USP32: variants seen among roughly 807,000 people sequenced by gnomAD.
USP32 encodes the protein ubiquitin specific peptidase 32, also known as ubiquitin carboxyl-terminal hydrolase 32.
A neutral mutation model predicts 204.8 loss-of-function variants in USP32; 59 were observed. The observed-to-expected ratio is 0.29, with a 90% confidence interval of 0.23 to 0.36. The LOEUF is 0.36. Ranked by LOEUF, USP32 falls within the 10% of genes least tolerant of loss-of-function variation. USP32 has a pLI of 1.00. For missense variants in USP32, 1,160 were observed against 1,946.4 expected (o/e 0.60, Z 7.60); for synonymous variants, 517 against 678.4 (o/e 0.76, Z 3.70).
At chr17:60,365,612 AG>A (rs1294754932) in intron 1 of USP32, among the ~76,000 whole-genome samples, 2 of 152,166 alleles carry the variant, frequency 1.3e-5, no homozygotes, top group Non-Finnish European at 2.9e-5. Context: ...TATTTCCCCA[AG>A]GAACTCTTGT....
Position 60,203,053 on chromosome 17 carries a change from G to A in USP32, c.3249+2394C>T, listed in dbSNP as rs913168650. Among the ~76,000 whole-genome samples, 304 of 149,378 alleles carry A rather than the reference G, an allele frequency of 2.0e-3. 2 individuals carry two copies. The highest frequency in any genetic ancestry group is 3.0e-3 in the Non-Finnish European group (201 of 67,752). On this transcript the variant is annotated intron_variant, in intron 26 of 33. Transcript: ENST00000300896. The stretch of plus-strand genomic sequence containing the variant: ...AGCATTCTCTCCTAGAACCTTTGGA[G>A]GAAGCCCCCACCCTACAGAAACCTT...
chr17:60,359,278 G>A (rs1458902379), intron 1 of USP32, among the ~76,000 whole-genome samples: 2 of 152,044 alleles, frequency 1.3e-5, no homozygotes, highest in Non-Finnish European at 2.9e-5. Context: ...AGCTTATATT[G>A]TATGTTTATT....
At chr17:60,308,182 G>A (rs1434470179) in intron 2 of USP32, among the ~76,000 whole-genome samples, 3 of 152,140 alleles carry the variant, frequency 2.0e-5, no homozygotes, top group Non-Finnish European at 2.9e-5. Context: ...GCAAGAATCC[G>A]GGATACAGAA....
Position 60,300,857 on chromosome 17 carries a change from C to T in USP32, c.292+742G>A, listed in dbSNP as rs533518873. 1.4e-4 allele frequency among the ~76,000 whole-genome samples: 21 copies of T among 152,310 alleles called. 1 individual carries two copies. The South Asian group carries it at 4.3e-3, about 32-fold the overall frequency. Reference sequence around the variant, plus strand: ...GCAGTTGTTCTCCATTTCCCTCTCACCTGATACCTCCAGCAACCACTAATC... The same window carrying T: ...GCAGTTGTTCTCCATTTCCCTCTCATCTGATACCTCCAGCAACCACTAATC... On this transcript the variant is annotated intron_variant, in intron 3 of 33. Coordinates refer to ENST00000300896, the MANE Select transcript of USP32 (RefSeq NM_032582.4).
chr17:60,422,135 A>T (rs549919193), intron 1 of USP32: 1 of 306,426 alleles, frequency 3.3e-6, no homozygotes, highest in Non-Finnish European at 5.7e-6. Flanking sequence ...TCTGTCCCAA[A>T]TCAGAAAAGA....
chr17:60,403,853 A>G (rs2089954964), intron 1 of USP32, among the ~76,000 whole-genome samples: 1 of 152,096 alleles, frequency 6.6e-6, no homozygotes, highest in Admixed American at 6.6e-5. Context: ...CAGTCTGGGT[A>G]ACATAGTGAG....
At chr17:60,269,830 A>T (rs768635949) in intron 6 of USP32, among the ~76,000 whole-genome samples, 10 of 152,172 alleles carry the variant, frequency 6.6e-5, no homozygotes, top group Non-Finnish European at 1.2e-4. Context: ...GGCTAAAATG[A>T]CTATTTTTGA....
At chr17:60,408,258 A>G (rs1195067696) in intron 1 of USP32, among the ~76,000 whole-genome samples, 1 of 152,206 alleles carries the variant, frequency 6.6e-6, no homozygotes, top group Non-Finnish European at 1.5e-5. Context: ...TGAAACAGCT[A>G]TTATAACTAT....
chr17:60,218,947 C>T (rs567681584), intron 16 of USP32, among the ~76,000 whole-genome samples: 26 of 152,264 alleles, frequency 1.7e-4, no homozygotes, highest in Non-Finnish European at 2.5e-4. Flanking sequence ...AGCAAAAGCA[C>T]AGAGCAAGTC....
At chr17:60,321,959 A>C (rs1007233386) in intron 2 of USP32, among the ~76,000 whole-genome samples, 1 of 152,134 alleles carries the variant, frequency 6.6e-6, no homozygotes, top group Admixed American at 6.6e-5. Context: ...CTTTGCAATA[A>C]AGTGCCCATA....
At chr17:60,345,719 C>T (rs8066935) in intron 1 of USP32, 111 bp from the exon 2 acceptor site, 90,873 of 1,370,302 alleles carry the variant, frequency 0.066, 9,308 homozygotes, top group African/African-American at 0.46. Context: ...CAGTGGCTCA[C>T]GCCTATAATC....
At chr17:60,194,333 C>G (rs1227859621) in intron 27 of USP32, among the ~76,000 whole-genome samples, 1 of 152,120 alleles carries the variant, frequency 6.6e-6, no homozygotes, top group Non-Finnish European at 1.5e-5. Context: ...CGTGAGTCAC[C>G]GCACCCTACC....
chr17:60,301,311 A>T, intron 3 of USP32: 1 of 206,558 alleles, frequency 4.8e-6, no homozygotes. Flanking sequence ...TTATACTCCC[A>T]TCAGCAATGT....
intron 11 of USP32, among the ~76,000 whole-genome samples, chr17:60,246,413 ATT>A (rs373810890): frequency 1.6e-4 from 23 of 142,674 alleles, no homozygotes; most frequent in Admixed American, 5.6e-4. Context: ...ATATATATAT[ATT>A]TTTTTTTTTT....
intron 6 of USP32, among the ~76,000 whole-genome samples, chr17:60,270,380 G>A (rs934224553): frequency 4.6e-5 from 7 of 152,128 alleles, no homozygotes; most frequent in Middle Eastern, 3.2e-3. Context: ...TCAGTTTAGG[G>A]ATTAGAAAAC....
At chr17:60,254,560 G>A (rs931065320) in intron 10 of USP32, among the ~76,000 whole-genome samples, 2 of 152,090 alleles carry the variant, frequency 1.3e-5, no homozygotes, top group Non-Finnish European at 2.9e-5. Context: ...TTACCCAGGC[G>A]TGGTGGCACA....
chr17:60,244,029 G>GTTTTTTTTTTTTTTTTTTTTT lies in USP32; in HGVS notation c.1137-7810_1137-7790dup, dbSNP rs34842511. ...TTTGAATCTCAAGTAGCTGGATTGT[G>GTTTTTTTTTTTTTTTTTTTTT]TTTTTTTTTTTTTTTTTTTTTTTTG... On this transcript the variant is annotated intron_variant, in intron 11 of 33. Coordinates refer to ENST00000300896, the MANE Select transcript of USP32 (RefSeq NM_032582.4). 9.8e-5 allele frequency among the ~76,000 whole-genome samples: 7 copies of GTTTTTTTTTTTTTTTTTTTTT among 71,680 alleles called. 1 individual carries two copies. Among genetic ancestry groups the GTTTTTTTTTTTTTTTTTTTTT allele is most frequent in the African/African-American group, 4.9e-4 (7 of 14,166 alleles). 47.0% of individuals were successfully genotyped at this position (71,680 alleles called of 152,430 possible). A position where few individuals can be genotyped will look rare whatever the true frequency, so the allele number is the denominator to read the frequency against.
At chr17:60,397,824 G>A (rs1397309431) in intron 1 of USP32, among the ~76,000 whole-genome samples, 4 of 152,066 alleles carry the variant, frequency 2.6e-5, no homozygotes, top group African/African-American at 4.8e-5. Context: ...GCCTGCCTAC[G>A]TATAGGTATT....
intron 12 of USP32, among the ~76,000 whole-genome samples, chr17:60,234,114 TA>T (rs1437115177): frequency 6.6e-6 from 1 of 150,752 alleles, no homozygotes; most frequent in Non-Finnish European, 1.5e-5. Context: ...CAAGCATGAC[TA>T]ATTTTTTTTT....
Sources: gnomAD v4.1 joint callset for allele counts (sites outside exome capture counted in the v4.1 genomes callset) on GRCh38, gnomAD v4.1.1 for gene constraint, MANE v1.5 for transcripts, NCBI Gene and HGNC (gene_info 2026-07-23, HGNC 2026-07-21) for gene names.